The following DAPK2 variants were observed in gnomAD, a reference collection of about 807,000 sequenced individuals.
DAPK2 encodes death associated protein kinase 2.
DAPK2 carries 35 observed loss-of-function variants against 44.1 expected under a neutral mutation model. That is an observed-to-expected ratio of 0.79 (90% confidence interval 0.61 to 1.05). The LOEUF (loss-of-function observed/expected upper bound fraction) is 1.05, where lower values mean the gene tolerates loss of function less well. Ranked by LOEUF, DAPK2 falls within the 50% of genes least tolerant of loss-of-function variation. The pLI is 0.00. For missense variants in DAPK2, 453 were observed against 483.2 expected (o/e 0.94, Z 0.59); for synonymous variants, 174 against 182.6 (o/e 0.95, Z 0.38).
intron 2 of DAPK2, among the ~76,000 whole-genome samples, chr15:63,974,834 C>T (rs890215503): frequency 6.6e-6 from 1 of 152,098 alleles, no homozygotes; most frequent in Non-Finnish European, 1.5e-5. Flanking sequence ...TCAGGGCCTG[C>T]TATTTGTCAT....
intron 1 of DAPK2, among the ~76,000 whole-genome samples, chr15:64,001,770 T>C (rs1317816377): frequency 6.6e-6 from 1 of 152,232 alleles, no homozygotes; most frequent in Non-Finnish European, 1.5e-5. Flanking sequence ...AATGTGTGTG[T>C]TAACATAACT....
intron 1 of DAPK2, among the ~76,000 whole-genome samples, chr15:64,003,648 C>T (rs1352103463): frequency 6.6e-6 from 1 of 152,162 alleles, no homozygotes; most frequent in Non-Finnish European, 1.5e-5. Context: ...CTCTGTCACC[C>T]AGGCTGGAGT....
chr15:64,027,635 T>C (rs1284641957), intron 1 of DAPK2, among the ~76,000 whole-genome samples: 2 of 152,042 alleles, frequency 1.3e-5, no homozygotes, highest in African/African-American at 2.4e-5. Context: ...GAGAATAAGG[T>C]TTGAAATTAA....
At chr15:63,927,883 T>C (rs908869582) in intron 6 of DAPK2, among the ~76,000 whole-genome samples, 2 of 152,166 alleles carry the variant, frequency 1.3e-5, no homozygotes, top group African/African-American at 4.8e-5. Context: ...TAGCTGGGAC[T>C]ACAGATGTGT....
At chr15:63,982,470 G>A (rs1170208304) in intron 2 of DAPK2, among the ~76,000 whole-genome samples, 3 of 152,022 alleles carry the variant, frequency 2.0e-5, no homozygotes, top group African/African-American at 4.8e-5. Flanking sequence ...TTACAGGCAT[G>A]AGCCACTGCA....
exon 3 of DAPK2, chr15:63,971,469 C>A: frequency 6.2e-7 from 1 of 1,614,194 alleles, no homozygotes; most frequent in Non-Finnish European, 8.5e-7. Flanking sequence ...GTAGTTCACC[C>A]CATCCAGGAT....
intron 1 of DAPK2, among the ~76,000 whole-genome samples, chr15:63,995,515 T>C (rs2078930104): frequency 6.6e-6 from 1 of 152,230 alleles, no homozygotes; most frequent in Non-Finnish European, 1.5e-5. Flanking sequence ...GCCTGCCTGT[T>C]ACTTCAATCA....
At chr15:63,976,479 G>A (rs2078350544) in intron 2 of DAPK2, among the ~76,000 whole-genome samples, 2 of 152,108 alleles carry the variant, frequency 1.3e-5, no homozygotes, top group South Asian at 4.2e-4. Flanking sequence ...AGCACTTTGG[G>A]AGGCTGAGGC....
intron 1 of DAPK2, among the ~76,000 whole-genome samples, chr15:63,996,760 T>C (rs539525506): frequency 6.6e-6 from 1 of 152,148 alleles, no homozygotes; most frequent in Non-Finnish European, 1.5e-5. Context: ...AGTCCCAAAG[T>C]GTGAAAGGCT....
rs530507097 is a variant in DAPK2 at position 64,022,515 on chromosome 15, A to G, written c.92+17655T>C. On this transcript the variant is annotated intron_variant, in intron 1 of 10. Coordinates refer to ENST00000261891, the Ensembl canonical transcript of DAPK2. ...ACTGACCACTTAAAATGTTTAAATGATCCTAAAGAGTTCACAATCCCATGG... is the reference window on the plus strand; with the variant it reads ...ACTGACCACTTAAAATGTTTAAATGGTCCTAAAGAGTTCACAATCCCATGG... Among the ~76,000 whole-genome samples the G allele has an allele frequency of 2.0e-5, 3 of 152,324 alleles. No homozygotes were observed. The South Asian group carries it at 6.2e-4, about 32-fold the overall frequency.
intron 2 of DAPK2, among the ~76,000 whole-genome samples, chr15:63,979,778 T>C (rs2078452043): frequency 1.3e-5 from 2 of 151,820 alleles, no homozygotes; most frequent in Non-Finnish European, 1.5e-5. Flanking sequence ...TAGCCAGGCA[T>C]GGGGGCACAT....
intron 3 of DAPK2, among the ~76,000 whole-genome samples, chr15:63,960,491 G>A (rs990260960): frequency 7.8e-6 from 1 of 128,538 alleles, no homozygotes; most frequent in African/African-American, 2.8e-5. Flanking sequence ...GGAATTTAGT[G>A]CTATAAATTT....
At chr15:63,934,351 G>T (rs1182134813) in intron 4 of DAPK2, among the ~76,000 whole-genome samples, 1 of 144,492 alleles carries the variant, frequency 6.9e-6, no homozygotes, top group African/African-American at 2.5e-5. Flanking sequence ...CTGCCTCCTG[G>T]GTTCAAGTGA....
intron 1 of DAPK2, among the ~76,000 whole-genome samples, chr15:64,014,476 G>C (rs1285887653): frequency 6.6e-6 from 1 of 152,252 alleles, no homozygotes; most frequent in Non-Finnish European, 1.5e-5. Context: ...GAACAGAGAG[G>C]AGACAAGACC....
At chr15:63,959,079 A>C (rs2077811662) in intron 3 of DAPK2, among the ~76,000 whole-genome samples, 2 of 152,150 alleles carry the variant, frequency 1.3e-5, no homozygotes, top group South Asian at 4.1e-4. Flanking sequence ...CATCCCTTGT[A>C]AGTTGGATTC....
intron 1 of DAPK2, among the ~76,000 whole-genome samples, chr15:64,010,248 A>C (rs2079353902): frequency 1.3e-5 from 2 of 152,154 alleles, no homozygotes; most frequent in African/African-American, 2.4e-5. Context: ...AAGTTTGAGA[A>C]CCACGAGTTC....
At chr15:64,036,546 C>A (rs2080218369) in intron 1 of DAPK2, among the ~76,000 whole-genome samples, 2 of 151,412 alleles carry the variant, frequency 1.3e-5, no homozygotes, top group Admixed American at 1.3e-4. Context: ...ACTTCTGGCA[C>A]CACTGATTCC....
rs182746369 is a variant in DAPK2 at position 63,995,817 on chromosome 15, C to G, written c.93-12063G>C. Among the ~76,000 whole-genome samples, 709 of 152,258 alleles carry G rather than the reference C, an allele frequency of 4.7e-3. 1 individual carries two copies. The highest frequency in any genetic ancestry group is 7.7e-3 in the Non-Finnish European group (526 of 68,032). ...CGTGCCTGGTGCCCCCAGGGTGGGC[C>G]ACAGCTGTGAGGCAACCAGCACAAG... On this transcript the variant is annotated intron_variant, in intron 1 of 10. Coordinates refer to ENST00000261891, the Ensembl canonical transcript of DAPK2.
intron 1 of DAPK2, 53 bp from the exon 3 acceptor site, chr15:63,983,807 A>G (rs554462354): frequency 2.6e-6 from 4 of 1,535,620 alleles, no homozygotes; most frequent in South Asian, 2.3e-5. Flanking sequence ...CATTGGGGAA[A>G]TGACCCCACT....
Sources: gnomAD v4.1 joint callset for allele counts (sites outside exome capture counted in the v4.1 genomes callset) on GRCh38, gnomAD v4.1.1 for gene constraint, MANE v1.5 for transcripts, NCBI Gene and HGNC (gene_info 2026-07-23, HGNC 2026-07-21) for gene names.